The following NTM variants were observed in gnomAD, a reference collection of about 807,000 sequenced individuals.
NTM encodes IgLON family member 2.
A neutral mutation model predicts 42.1 loss-of-function variants in NTM; 13 were observed. The observed-to-expected ratio is 0.31, with a 90% CI of 0.20 to 0.49. The LOEUF is 0.49. NTM is among the 20% of genes least tolerant of loss of function. The pLI, the probability that NTM is intolerant of heterozygous loss-of-function variation, is 0.99. For missense variants in NTM, 373 were observed against 452.8 expected (o/e 0.82, Z 1.60); for synonymous variants, 187 against 179.2 (o/e 1.04, Z -0.35).
chr11:131,400,260 G>A (rs922282448), intron 1 of NTM, among the ~76,000 whole-genome samples: 14 of 152,062 alleles, frequency 9.2e-5, no homozygotes, highest in Admixed American at 3.3e-4. Flanking sequence ...CAGCTGTCCC[G>A]AAGCAATTGC....
intron 1 of NTM, among the ~76,000 whole-genome samples, chr11:131,447,541 G>A (rs1181564027): frequency 6.6e-6 from 1 of 152,164 alleles, no homozygotes; most frequent in Admixed American, 6.5e-5. Context: ...TCTAGCACCG[G>A]CAGCTCTCGG....
intron 4 of NTM, among the ~76,000 whole-genome samples, chr11:132,245,295 CTG>C (rs923180648): frequency 6.6e-6 from 1 of 152,052 alleles, no homozygotes; most frequent in Admixed American, 6.5e-5. Flanking sequence ...ATAATGGAGA[CTG>C]TGCACCTCAG....
At chr11:131,467,570 A>G (rs76204486) in intron 1 of NTM, among the ~76,000 whole-genome samples, 32,510 of 152,204 alleles carry the variant, frequency 0.21, 4,161 homozygotes, top group Non-Finnish European at 0.28. Flanking sequence ...CTGGCTATGT[A>G]TCTGCTTATG....
At chr11:131,895,288 C>A (rs1157992792) in intron 1 of NTM, among the ~76,000 whole-genome samples, 5 of 152,180 alleles carry the variant, frequency 3.3e-5, no homozygotes, top group African/African-American at 9.6e-5. Flanking sequence ...CTGGACCTGG[C>A]ATGGGCTGGA....
intron 1 of NTM, among the ~76,000 whole-genome samples, chr11:131,781,803 C>T (rs1468287818): frequency 6.6e-6 from 1 of 152,152 alleles, no homozygotes; most frequent in Non-Finnish European, 1.5e-5. Context: ...CTGCACTCTG[C>T]CTAGATGCAC....
chr11:131,818,796 T>A (rs977237454), intron 1 of NTM, among the ~76,000 whole-genome samples: 17 of 152,216 alleles, frequency 1.1e-4, no homozygotes, highest in African/African-American at 3.4e-4. Flanking sequence ...AGAATCTATG[T>A]GGACTATAAT....
At chr11:131,506,587 G>T (rs1028634738) in intron 1 of NTM, among the ~76,000 whole-genome samples, 1 of 152,206 alleles carries the variant, frequency 6.6e-6, no homozygotes, top group African/African-American at 2.4e-5. Context: ...CCTCTGAGGG[G>T]TGTCCAGGTT....
chr11:132,256,650 T>TTC lies in NTM; in HGVS notation c.526+44503_526+44504insTC, dbSNP rs1555335326. 2.6e-3 allele frequency among the ~76,000 whole-genome samples: 396 copies of TTC among 151,646 alleles called. 2 individuals carry two copies. The highest frequency in any genetic ancestry group is 9.2e-3 in the African/African-American group (379 of 41,244). ...TGTTGGTTGATTTTTTTTTTTTTTTTCCCCTGGGCTTGTGTGGACTGGCAG... is the reference window on the plus strand; with the variant it reads ...TGTTGGTTGATTTTTTTTTTTTTTTTTCCCCCTGGGCTTGTGTGGACTGGCAG... On this transcript the variant is annotated intron_variant, in intron 4 of 8. Transcript: ENST00000683400.
intron 1 of NTM, among the ~76,000 whole-genome samples, chr11:131,436,012 G>T (rs182279770): frequency 5.1e-4 from 77 of 152,246 alleles, no homozygotes; most frequent in African/African-American, 1.8e-3. Flanking sequence ...GTTCAATTTT[G>T]TCAAAGGCTT....
At chr11:131,977,674 T>A (rs2064609949) in intron 2 of NTM, among the ~76,000 whole-genome samples, 1 of 152,214 alleles carries the variant, frequency 6.6e-6, no homozygotes, top group Non-Finnish European at 1.5e-5. Context: ...GATTGTAGAT[T>A]AAAGTCAGAA....
intron 4 of NTM, among the ~76,000 whole-genome samples, chr11:132,215,081 C>T (rs2083553084): frequency 6.6e-6 from 1 of 152,176 alleles, no homozygotes; most frequent in Non-Finnish European, 1.5e-5. Flanking sequence ...GTAGTATTTC[C>T]TAAAGGAGGC....
At chr11:131,965,842 T>C (rs78398249) in intron 2 of NTM, among the ~76,000 whole-genome samples, 14,674 of 151,378 alleles carry the variant, frequency 0.097, 725 homozygotes, top group East Asian at 0.2. Context: ...ATGGCTAGCA[T>C]AGTAAACACT....
chr11:132,132,654 A>T (rs536091558), intron 2 of NTM, among the ~76,000 whole-genome samples: 10 of 152,302 alleles, frequency 6.6e-5, no homozygotes, highest in African/African-American at 2.2e-4. Context: ...CTCAATACTT[A>T]CATGGACCCT....
chr11:132,013,182 T>G (rs1397955534), intron 2 of NTM, among the ~76,000 whole-genome samples: 1 of 152,068 alleles, frequency 6.6e-6, no homozygotes. Context: ...CCATGAAGAT[T>G]GAAGGTAAGG....
chr11:132,327,655 C>T (rs2095711271), intron 7 of NTM, among the ~76,000 whole-genome samples: 1 of 152,168 alleles, frequency 6.6e-6, no homozygotes, highest in Non-Finnish European at 1.5e-5. Flanking sequence ...TCGGATTCAG[C>T]CAAACTGGCT....
In NTM at chr11:132,307,843, C is replaced by A; in HGVS notation, c.661+20C>A. 1 of 1,612,370 alleles carries A rather than the reference C, an allele frequency of 6.2e-7. No homozygotes were observed. ...TGAACTGTAAGTGTTCTCACCACCA[C>A]GCGCCCTGCACGTGCATCAGGCTGG... is the stretch of plus-strand genomic sequence containing the variant. On this transcript the variant is annotated intron_variant, in intron 5 of 8. Transcript: ENST00000683400.
In NTM at chr11:132,002,634, C is replaced by A. The variant is rs1357289578; in HGVS notation, c.167+90986C>A. Among the ~76,000 whole-genome samples the A allele has an allele frequency of 6.6e-6, 1 of 152,068 alleles. No individual in the cohort carries two copies. Among genetic ancestry groups the A allele is most frequent in the East Asian group, 1.9e-4 (1 of 5,194 alleles). On this transcript the variant is annotated intron_variant, in intron 2 of 8. Coordinates refer to ENST00000683400, the MANE Select transcript of NTM (RefSeq NM_001352005.2). This position sits in a 1 kb window ranked among gnomAD's most constrained non-coding sequence, Gnocchi z 4.5. Reference sequence around the variant, plus strand: ...TCCCCAAACTTATGTTTTGTTTTTTCTTTTTCTCTTAGTATCCATGCTTCT... The same window carrying A: ...TCCCCAAACTTATGTTTTGTTTTTTATTTTTCTCTTAGTATCCATGCTTCT...
At chr11:132,079,483 ATGTTGATGC>A (rs1182006298) in intron 2 of NTM, among the ~76,000 whole-genome samples, 1 of 152,178 alleles carries the variant, frequency 6.6e-6, no homozygotes, top group African/African-American at 2.4e-5. Context: ...GTTAAGGATG[ATGTTGATGC>A]TATCCTTGTT....
chr11:131,797,335 AG>A (rs1283834460), intron 1 of NTM, among the ~76,000 whole-genome samples: 1 of 152,146 alleles, frequency 6.6e-6, no homozygotes, highest in Non-Finnish European at 1.5e-5. Context: ...GGACTCTGTA[AG>A]GGGGGGCAGG....
Sources: gnomAD v4.1 joint callset for allele counts (sites outside exome capture counted in the v4.1 genomes callset) on GRCh38, gnomAD v4.1.1 for gene constraint, Gnocchi (gnomAD v3.1) non-coding constraint, MANE v1.5 for transcripts, NCBI Gene and HGNC (gene_info 2026-07-23, HGNC 2026-07-21) for gene names.